ESF1: variants seen among roughly 807,000 people sequenced by gnomAD.
ESF1 encodes the protein ESF1 nucleolar pre-rRNA processing protein.
A neutral mutation model predicts 92.0 loss-of-function variants in ESF1; 58 were observed. The ratio of observed to expected loss-of-function variants is 0.63; its 90% confidence interval spans 0.51 to 0.78. The LOEUF (loss-of-function observed/expected upper bound fraction) is 0.78. Ranked by LOEUF, ESF1 falls within the 30% of genes least tolerant of loss-of-function variation. The probability of loss-of-function intolerance (pLI) is 0.00; values close to 1 mark genes in which losing one functional copy is unlikely to be tolerated. For missense variants in ESF1, 922 were observed against 989.1 expected, an observed-to-expected ratio of 0.93 and a Z score of 0.91; for synonymous variants, 321 against 313.7, an observed-to-expected ratio of 1.02 and a Z score of -0.24.
intron 4 of ESF1, among the ~76,000 whole-genome samples, chr20:13,774,369 AG>A (rs1163508451): frequency 6.6e-6 from 1 of 152,234 alleles, no homozygotes; most frequent in African/African-American, 2.4e-5. Flanking sequence ...ATGCTCATCC[AG>A]TAAGTATATA....
At chr20:13,772,229 C>T (rs962695567) in intron 5 of ESF1, among the ~76,000 whole-genome samples, 4 of 150,016 alleles carry the variant, frequency 2.7e-5, no homozygotes, top group South Asian at 4.2e-4. Flanking sequence ...TTCAGAGCAA[C>T]GAGGCTGAAA....
chr20:13,718,943 A>G lies in ESF1; in HGVS notation c.2080T>C (p.Ser694Pro), dbSNP rs1367180024. Residue 694 changes from serine (S) to proline (P), a missense_variant, in exon 12 of 14, where the codon TCT becomes CCT. Coordinates refer to ENST00000617257, the MANE Select transcript of ESF1 (RefSeq NM_001276380.2). Reference sequence around the variant, plus strand: ...TCTATTTCAATTTCTTCTTCTGGAGATGTGCCATCTTTTGCAGATTTTACC... The same window carrying G: ...TCTATTTCAATTTCTTCTTCTGGAGGTGTGCCATCTTTTGCAGATTTTACC... The part of the protein sequence containing the change: ...KSVKSAKDGT[S>P]PEEEIEIERQ... 12 of 1,604,976 alleles carry G rather than the reference A, an allele frequency of 7.5e-6. No individual in the cohort carries two copies. Among genetic ancestry groups the G allele is most frequent in the Non-Finnish European group, 9.3e-6 (11 of 1,177,348 alleles).
rs377762472 is a variant in ESF1, at chr20:13,782,668, C to T, written c.473G>A (p.Ser158Asn). 1.4e-5 allele frequency: 22 copies of T among 1,603,430 alleles called. No individual in the cohort carries two copies. The highest frequency in any genetic ancestry group is 1.4e-5 in the Non-Finnish European group (17 of 1,176,842). ...IDSNISPKKD[S>N]KEFTQKNKKE... ...CTTATTTTTTTGTGTAAATTCTTTG[C>T]TATCCTTCTTCGGACTTATGTTTGA... The change falls in exon 2 of 14, where the codon AGC becomes AAC. Residue 158 changes from serine to asparagine, a missense_variant. Physicochemically the swap from Ser to Asn is conservative, Grantham distance 46 (BLOSUM62 1). Coordinates refer to ENST00000617257, the MANE Select transcript of ESF1 (RefSeq NM_001276380.2).
chr20:13,718,758 C>T lies in ESF1; in HGVS notation c.2115+150G>A. On this transcript the variant is annotated intron_variant, in intron 12 of 13. Coordinates refer to ENST00000617257, the MANE Select transcript of ESF1 (RefSeq NM_001276380.2). ...AAAAACACTGTATTTAGAAACTACACTGCTAAAATATTTAATTATGTCTCT... is the reference window on the plus strand; with the variant it reads ...AAAAACACTGTATTTAGAAACTACATTGCTAAAATATTTAATTATGTCTCT... 3 of 411,912 alleles carry T rather than the reference C, an allele frequency of 7.3e-6. No individual in the cohort carries two copies. In the Admixed American group the frequency reaches 1.7e-4, roughly 23 times the overall value. 25.5% of individuals were successfully genotyped at this position (411,912 alleles called of 1,614,324 possible).
rs145243071 is a variant in ESF1 at position 13,759,853 on chromosome 20, C to T, written c.1667G>A (p.Gly556Asp). 102 of 1,582,682 alleles carry T rather than the reference C, an allele frequency of 6.4e-5. No homozygotes were observed. Among genetic ancestry groups the T allele is most frequent in the Non-Finnish European group, 8.4e-5 (98 of 1,171,250 alleles). The change falls in exon 9 of 14, where the codon GGT becomes GAT. Residue 556 changes from glycine (G) to aspartate (D), a missense_variant and splice_region_variant. Transcript: ENST00000617257. ...DEEEIEEELQGDDGVNVEEDG... is the reference protein window; with the variant it reads ...DEEEIEEELQDDDGVNVEEDG... ...TTCTTCTACATTGACTCCATCATCA[C>T]CTAATGAAAAAAAAATTCACTTAAT...
chr20:13,750,154 T>C (rs756831870), intron 9 of ESF1, among the ~76,000 whole-genome samples: 6 of 152,160 alleles, frequency 3.9e-5, no homozygotes, highest in African/African-American at 7.2e-5. Flanking sequence ...AATGGCAATA[T>C]GGTCCCAGAG....
chr20:13,741,247 T>C (rs1329212006), intron 9 of ESF1, among the ~76,000 whole-genome samples: 1 of 152,176 alleles, frequency 6.6e-6, no homozygotes, highest in Non-Finnish European at 1.5e-5. Flanking sequence ...TCTCTGAGCA[T>C]TTTCTTTATC....
chr20:13,730,631 G>GC (rs2049936440), intron 10 of ESF1, among the ~76,000 whole-genome samples: 1 of 151,720 alleles, frequency 6.6e-6, no homozygotes, highest in African/African-American at 2.4e-5. Flanking sequence ...TGATCCGCCC[G>GC]CCTCGGCCTC....
chr20:13,758,547 C>G (rs772914483), intron 9 of ESF1, among the ~76,000 whole-genome samples: 18 of 151,992 alleles, frequency 1.2e-4, no homozygotes, highest in African/African-American at 4.3e-4. Flanking sequence ...ATTTTTTTCC[C>G]AAATAAAAAC....
At position 13,782,883 on chromosome 20, in the gene ESF1, G is replaced by T. The variant is rs758137493; in HGVS notation, c.258C>A (p.Ser86Arg). ...TTATTTTCTTTTGACTCAATGCTTT[G>T]CTATCTTCACCAGAGAGATTGGAAT... ...DSDSNLSGED[S>R]KALSQKKIKK... is the part of the protein sequence containing the mutation. Residue 86 changes from serine to arginine, a missense_variant, in exon 2 of 14, where the codon AGC becomes AGA. Coordinates refer to ENST00000617257, the MANE Select transcript of ESF1 (RefSeq NM_001276380.2). 6.2e-6 allele frequency: 10 copies of T among 1,612,562 alleles called. No homozygotes were observed. The South Asian group carries it at 1.1e-4, about 18-fold the overall frequency.
rs1055503834 is a variant in ESF1, at chr20:13,726,179, G to C, written c.2038+2199C>G. On this transcript the variant is annotated intron_variant, in intron 11 of 13. Coordinates refer to ENST00000617257, the MANE Select transcript of ESF1 (RefSeq NM_001276380.2). ...CAAACTGTTCTCTTCACAGGCACCA[G>C]AGTAATATGTTAATCTATACCAGAT... is the stretch of plus-strand genomic sequence containing the variant. Among the ~76,000 whole-genome samples, 4 of 152,248 alleles carry C rather than the reference G, an allele frequency of 2.6e-5. No homozygotes were observed. The East Asian group carries it at 7.7e-4, about 29-fold the overall frequency.
intron 10 of ESF1, among the ~76,000 whole-genome samples, chr20:13,731,075 G>A (rs372161041): frequency 9.9e-5 from 15 of 152,212 alleles, no homozygotes; most frequent in African/African-American, 3.6e-4. Context: ...TTTGAATGCT[G>A]CTGACCAACG....
intron 8 of ESF1, among the ~76,000 whole-genome samples, chr20:13,763,818 A>G (rs1042149622): frequency 5.3e-5 from 8 of 152,252 alleles, no homozygotes; most frequent in African/African-American, 1.9e-4. Flanking sequence ...TTGCAAATAC[A>G]CATTTTCAAA....
chr20:13,772,696 A>G, intron 4 of ESF1, 81 bp from the exon 5 acceptor site: 1 of 967,546 alleles, frequency 1.0e-6, no homozygotes, highest in Non-Finnish European at 1.6e-6. Flanking sequence ...CAGGAACTCT[A>G]AAAGTCACAA....
intron 12 of ESF1, among the ~76,000 whole-genome samples, 180 bp from the exon 13 acceptor site, chr20:13,717,694 G>A (rs2049839448): frequency 6.6e-6 from 1 of 152,150 alleles, no homozygotes; most frequent in South Asian, 2.1e-4. Flanking sequence ...TCTTTGTATA[G>A]CAATAAGGTA....
intron 9 of ESF1, among the ~76,000 whole-genome samples, chr20:13,750,668 C>T (rs182068467): frequency 7.4e-4 from 113 of 152,280 alleles, no homozygotes; most frequent in African/African-American, 2.6e-3. Flanking sequence ...CTCCAGTTGG[C>T]ACAACAAATT....
In ESF1 at chr20:13,776,241, C is replaced by A; in HGVS notation, c.667G>T (p.Asp223Tyr). The A allele has an allele frequency of 6.2e-7, 1 of 1,613,238 alleles. No homozygotes were observed. Among genetic ancestry groups the A allele is most frequent in the Non-Finnish European group, 8.5e-7 (1 of 1,179,764 alleles). The change falls in exon 3 of 14, where the codon GAT becomes TAT. Residue 223 changes from aspartate (D) to tyrosine (Y), a missense_variant. Physicochemically the swap from Asp to Tyr is radical, Grantham distance 160. Coordinates refer to ENST00000617257, the MANE Select transcript of ESF1 (RefSeq NM_001276380.2). ...VVQLIMTRDS[D>Y]GYENSTDGEM... ...CCATCTGTTGAGTTTTCATAACCAT[C>A]ACTGTCTCTTGTCATTATGAGTTGA...
chr20:13,726,228 C>T (rs73094125), intron 11 of ESF1, among the ~76,000 whole-genome samples: 14,098 of 152,190 alleles, frequency 0.093, 812 homozygotes, highest in Non-Finnish European at 0.13. Context: ...TGCTTAAAGA[C>T]TGTTTGGGCT....
intron 9 of ESF1, among the ~76,000 whole-genome samples, chr20:13,739,805 C>T (rs989113581): frequency 2.0e-5 from 3 of 151,376 alleles, no homozygotes; most frequent in African/African-American, 7.3e-5. Flanking sequence ...AAACACTGAT[C>T]TGCTATGGTC....
Sources: allele counts gnomAD v4.1 joint callset (sites outside exome capture counted in the v4.1 genomes callset), GRCh38; gene constraint gnomAD v4.1.1; transcripts MANE v1.5; gene names NCBI Gene and HGNC (gene_info 2026-07-23, HGNC 2026-07-21).